Variants in ZNF415 observed in about 807,000 individuals in gnomAD.
The protein encoded by ZNF415 is zinc finger protein 415.
Under a neutral mutation model 7.3 loss-of-function variants are expected in ZNF415, and 5 were observed. The observed-to-expected ratio is 0.69, with a 90% confidence interval of 0.36 to 1.44. ZNF415 has a LOEUF of 1.44. ZNF415 is among the 40% of genes most tolerant of loss of function. The pLI, the probability that ZNF415 is intolerant of heterozygous loss-of-function variation, is 0.04. For missense variants in ZNF415, 628 were observed against 664.8 expected, an observed-to-expected ratio of 0.94 and a Z score of 0.61; for synonymous variants, 207 against 226.3, an observed-to-expected ratio of 0.91 and a Z score of 0.77.
rs2085833058 is a variant in ZNF415 at position 53,109,144 on chromosome 19, T to C, written c.901A>G (p.Lys301Glu). 2.5e-6 allele frequency: 4 copies of C among 1,614,112 alleles called. No individual in the cohort carries two copies. The African/African-American group carries it at 4.0e-5, about 16-fold the overall frequency. Residue 301 changes from lysine (K) to glutamate (E), a missense_variant, in exon 4 of 4, where the codon AAA becomes GAA. Transcript: ENST00000243643. ...AAGACCTTGTCACACTCATAACATT[T>C]GTAAGGTTTCTCTCCAGTGTGAACT... Reference protein sequence around the residue: ...RRVHTGEKPYKCYECDKVFSR... With the variant: ...RRVHTGEKPYECYECDKVFSR...
At chr19:53,126,575 G>A (rs1417741364) in intron 1 of ZNF415, among the ~76,000 whole-genome samples, 1 of 131,690 alleles carries the variant, frequency 7.6e-6, no homozygotes, top group African/African-American at 2.5e-5. Flanking sequence ...AGGGAGGGGA[G>A]AAAGGAGAGA....
At chr19:53,131,873 G>C (rs148110737) in intron 1 of ZNF415, among the ~76,000 whole-genome samples, 1 of 151,496 alleles carries the variant, frequency 6.6e-6, no homozygotes, top group South Asian at 2.1e-4. Context: ...CAGATCCCAG[G>C]CCTCCCCGTG....
Position 53,116,258 on chromosome 19 carries a change from A to G in ZNF415, c.136+55T>C, listed in dbSNP as rs535027847. 118 of 1,562,602 alleles carry G rather than the reference A, an allele frequency of 7.6e-5. No homozygotes were observed. In the African/African-American group the frequency reaches 1.5e-3, roughly 20 times the overall value. On this transcript the variant is annotated intron_variant, in intron 3 of 3. Coordinates refer to ENST00000243643, the MANE Select transcript of ZNF415 (RefSeq NM_018355.4). Reference sequence around the variant, plus strand: ...GGGGCTCCCAAGAGGCACACAAGGGAAAATGGAAAGATACCAAGGGCAGAT... The same window carrying G: ...GGGGCTCCCAAGAGGCACACAAGGGGAAATGGAAAGATACCAAGGGCAGAT...
chr19:53,109,686 C>A lies in ZNF415; in HGVS notation c.359G>T (p.Cys120Phe). The A allele has an allele frequency of 6.2e-7, 1 of 1,614,020 alleles. No individual in the cohort carries two copies. Among genetic ancestry groups the A allele is most frequent in the South Asian group, 1.1e-5 (1 of 91,042 alleles). The change falls in exon 4 of 4, where the codon TGT becomes TTT. Residue 120 changes from cysteine (C) to phenylalanine (F), a missense_variant. By Grantham distance (205) the Cys-to-Phe change is radical. Transcript: ENST00000243643. ...TCTTCTATCGCGTTGGTCTCTCCTA[C>A]AAGTAAGATTTTCTTTTGGGGCCGT... ...VTTAPKENLTCRRDQRDRRGI... is the reference protein window; with the variant it reads ...VTTAPKENLTFRRDQRDRRGI...
chr19:53,125,007 C>T (rs1414942003), intron 1 of ZNF415, among the ~76,000 whole-genome samples: 1 of 151,654 alleles, frequency 6.6e-6, no homozygotes, highest in African/African-American at 2.4e-5. Flanking sequence ...GTGCACTTGA[C>T]TTGCAAATCA....
At chr19:53,122,641 C>T (rs1189814682) in intron 2 of ZNF415, 21 bp downstream of exon 2, 1 of 1,614,098 alleles carries the variant, frequency 6.2e-7, no homozygotes, top group African/African-American at 1.3e-5. Context: ...ACAGAATGAT[C>T]CACACAGAAT....
chr19:53,119,303 A>C (rs1219307214), intron 2 of ZNF415, among the ~76,000 whole-genome samples: 1 of 151,152 alleles, frequency 6.6e-6, no homozygotes, highest in Non-Finnish European at 1.5e-5. Flanking sequence ...AAATACAAAA[A>C]TTAGCCAGGT....
Position 53,109,145 on chromosome 19 carries a change from G to T in ZNF415, c.900C>A (p.Tyr300Ter), listed in dbSNP as rs1051802379. The T allele has an allele frequency of 1.2e-6, 2 of 1,613,968 alleles. No homozygotes were observed. The highest frequency in any genetic ancestry group is 2.7e-5 in the African/African-American group (2 of 74,930). Residue 300 changes from tyrosine (Y) to a stop codon, truncating the protein, a stop_gained, in exon 4 of 4, where the codon TAC (tyrosine) becomes TAA (stop). Coordinates refer to ENST00000243643, the MANE Select transcript of ZNF415 (RefSeq NM_018355.4). LOFTEE classifies it low-confidence loss of function (END_TRUNC). ...HRRVHTGEKPYKCYECDKVFS... is the reference protein window; with the variant it reads ...HRRVHTGEKP The stretch of plus-strand genomic sequence containing the variant: ...AGACCTTGTCACACTCATAACATTT[G>T]TAAGGTTTCTCTCCAGTGTGAACTC...
intron 1 of ZNF415, chr19:53,123,546 T>G: frequency 2.5e-6 from 1 of 398,228 alleles, no homozygotes; most frequent in Non-Finnish European, 4.4e-6. Context: ...ACAGCCCACG[T>G]GAAGGCCTTG....
chr19:53,114,349 G>T (rs1474760423), intron 3 of ZNF415, among the ~76,000 whole-genome samples: 1 of 152,116 alleles, frequency 6.6e-6, no homozygotes, highest in Non-Finnish European at 1.5e-5. Context: ...GCTAACTTTT[G>T]TATTTTTAGT....
rs61733666 is a variant in ZNF415, at chr19:53,108,549, T to G, written c.1496A>C (p.Asn499Thr). The G allele has an allele frequency of 0.03, 48,913 of 1,614,142 alleles. 920 individuals are homozygous for G. Among genetic ancestry groups the G allele is most frequent in the Middle Eastern group, 0.063 (382 of 6,062 alleles). The change falls in exon 4 of 4, where the codon AAT (asparagine) becomes ACT (threonine). Residue 499 changes from asparagine to threonine, a missense_variant. Coordinates refer to ENST00000243643, the MANE Select transcript of ZNF415 (RefSeq NM_018355.4). ...CACACTAAAGGATTTGCCACACTCA[T>G]TACATTTGTAAGGTTTTTCTCCAGT... ...IHTGEKPYKC[N>T]ECGKSFSVRP...
At position 53,108,452 on chromosome 19, in the gene ZNF415, C is replaced by A; in HGVS notation, c.1593G>T (p.Lys531Asn). 6.2e-7 allele frequency: 1 copy of A among 1,613,936 alleles called. No homozygotes were observed. Among genetic ancestry groups the A allele is most frequent in the South Asian group, 1.1e-5 (1 of 91,078 alleles). Reference protein sequence around the residue: ...KKPYKCSDCGKSFSVRPNLFR... With the variant: ...KKPYKCSDCGNSFSVRPNLFR... Reference sequence around the variant, plus strand: ...AGAGGTTTGGGCGCACACTAAAGGACTTCCCACAATCACTACATTTGTAAG... The same window carrying A: ...AGAGGTTTGGGCGCACACTAAAGGAATTCCCACAATCACTACATTTGTAAG... Residue 531 changes from lysine (K) to asparagine (N), a missense_variant, in exon 4 of 4, where the codon AAG becomes AAT. Transcript: ENST00000243643.
In ZNF415 at chr19:53,109,043, G is replaced by A; in HGVS notation, c.1002C>T (p.Gly334=). 1.2e-6 allele frequency: 2 copies of A among 1,613,642 alleles called. No individual in the cohort carries two copies. Among genetic ancestry groups the A allele is most frequent in the African/African-American group, 2.7e-5 (2 of 74,982 alleles). The part of the protein sequence containing the change: ...GEKPYTCKEC[G]KAFSVRSTLT... ...GTGTTGACCTCACACTAAAGGCTTT[G>A]CCACACTCTTTACATGTGTAAGGTT... Residue 334 remains glycine (G), a synonymous_variant, in exon 4 of 4, where the codon GGC becomes GGT. Coordinates refer to ENST00000243643, the MANE Select transcript of ZNF415 (RefSeq NM_018355.4).
chr19:53,109,911 A>G lies in ZNF415; in HGVS notation c.137-3T>C, dbSNP rs773855674. On this transcript the variant is annotated splice_region_variant and splice_polypyrimidine_tract_variant and intron_variant, in intron 3 of 3. Coordinates refer to ENST00000243643, the MANE Select transcript of ZNF415 (RefSeq NM_018355.4). ...GATTACACAGTTACGAGACAGATCT[A>G]TAAGAAATGAAAACCATAGGTTTCC... 2.6e-6 allele frequency: 4 copies of G among 1,554,312 alleles called. No homozygotes were observed.
intron 1 of ZNF415, among the ~76,000 whole-genome samples, chr19:53,131,891 T>A (rs141915770): frequency 0.013 from 1,989 of 151,694 alleles, 13 homozygotes; most frequent in Non-Finnish European, 0.02. Context: ...GTGCTGTGGT[T>A]CTCCCTCTGC....
chr19:53,126,563 TGAGG>T (rs2146602352), intron 1 of ZNF415, among the ~76,000 whole-genome samples: 1 of 134,140 alleles, frequency 7.5e-6, no homozygotes, highest in Non-Finnish European at 1.7e-5. Flanking sequence ...GCAGGAGACT[TGAGG>T]GAGGGGAGAA....
chr19:53,109,722 T>C lies in ZNF415; in HGVS notation c.323A>G (p.Asn108Ser), dbSNP rs777180029. Residue 108 changes from asparagine (N) to serine (S), a missense_variant, in exon 4 of 4, where the codon AAC becomes AGC. Transcript: ENST00000243643. ...CQWRDDERNC[N>S]KVTTAPKENL... is the part of the protein sequence containing the mutation. The stretch of plus-strand genomic sequence containing the variant: ...TTCTTTTGGGGCCGTAGTCACTTTG[T>C]TGCAATTTCTTTCATCATCTCTCCA... 4 of 1,614,006 alleles carry C rather than the reference T, an allele frequency of 2.5e-6. No homozygotes were observed. Among genetic ancestry groups the C allele is most frequent in the Non-Finnish European group, 3.4e-6 (4 of 1,179,978 alleles).
chr19:53,117,608 T>A (rs2087275264), intron 2 of ZNF415, among the ~76,000 whole-genome samples: 1 of 151,788 alleles, frequency 6.6e-6, no homozygotes, highest in Non-Finnish European at 1.5e-5. Context: ...AAAAAAACCC[T>A]GCCAGCCAAG....
At chr19:53,112,825 G>A (rs1197813565) in intron 3 of ZNF415, among the ~76,000 whole-genome samples, 1 of 152,124 alleles carries the variant, frequency 6.6e-6, no homozygotes, top group Non-Finnish European at 1.5e-5. Flanking sequence ...GGTGGCTCAC[G>A]CCTGTAATCC....
Sources: allele counts gnomAD v4.1 joint callset (sites outside exome capture counted in the v4.1 genomes callset), GRCh38; gene constraint gnomAD v4.1.1; transcripts MANE v1.5; gene names NCBI Gene and HGNC (gene_info 2026-07-23, HGNC 2026-07-21).